TGFA: variants seen among roughly 807,000 people sequenced by gnomAD.
TGFA encodes transforming growth factor alpha, also known as protransforming growth factor alpha.
A neutral mutation model predicts 21.7 loss-of-function variants in TGFA; 12 were observed. The observed-to-expected ratio is 0.55, with a 90% confidence interval of 0.35 to 0.90. TGFA has a LOEUF of 0.90. Among genes scored for constraint, TGFA ranks in the 40% least tolerant of loss-of-function variants. The pLI is 0.01. For synonymous variants in TGFA, 79 were observed against 88.1 expected (o/e 0.90, Z 0.58); for missense variants, 178 against 210.8 (o/e 0.84, Z 0.96).
chr2:70,455,109 C>T (rs958170826), intron 4 of TGFA, among the ~76,000 whole-genome samples: 1 of 152,232 alleles, frequency 6.6e-6, no homozygotes, highest in East Asian at 1.9e-4. Flanking sequence ...CTTCTCCCAG[C>T]AAACATGTTT....
At chr2:70,487,832 TA>T (rs1198935591) in intron 2 of TGFA, among the ~76,000 whole-genome samples, 1 of 152,218 alleles carries the variant, frequency 6.6e-6, no homozygotes, top group Non-Finnish European at 1.5e-5. Flanking sequence ...CATTTATGAT[TA>T]TTTTTCTGAG....
At chr2:70,488,807 G>T (rs1255450092) in intron 2 of TGFA, among the ~76,000 whole-genome samples, 1 of 152,144 alleles carries the variant, frequency 6.6e-6, no homozygotes, top group Non-Finnish European at 1.5e-5. Flanking sequence ...TCACAAATGT[G>T]CTATGCTTCT....
At chr2:70,460,960 GA>G (rs1670389265) in intron 3 of TGFA, among the ~76,000 whole-genome samples, 3 of 152,170 alleles carry the variant, frequency 2.0e-5, no homozygotes, top group Admixed American at 2.0e-4. Context: ...GTGAGACTGA[GA>G]AACTAAATTT....
chr2:70,501,332 A>G (rs529525989), intron 2 of TGFA, among the ~76,000 whole-genome samples: 1 of 150,772 alleles, frequency 6.6e-6, no homozygotes, highest in African/African-American at 2.4e-5. Context: ...CCTTCCTAAC[A>G]CCATTTTGTT....
At chr2:70,548,568 GAAC>G (rs146662027) in intron 1 of TGFA, among the ~76,000 whole-genome samples, 5,803 of 152,206 alleles carry the variant, frequency 0.038, 389 homozygotes, top group African/African-American at 0.13. Context: ...CACAGTAAGG[GAAC>G]AACAACAACA....
At chr2:70,495,813 C>T (rs888182883) in intron 2 of TGFA, among the ~76,000 whole-genome samples, 3 of 152,036 alleles carry the variant, frequency 2.0e-5, no homozygotes, top group Non-Finnish European at 4.4e-5. Flanking sequence ...AACATTCTAC[C>T]GTTTGAATAG....
At chr2:70,528,122 C>T (rs538993218) in intron 1 of TGFA, among the ~76,000 whole-genome samples, 22 of 152,268 alleles carry the variant, frequency 1.4e-4, no homozygotes, top group South Asian at 4.1e-4. Context: ...GGCAGAAGCA[C>T]GCTTATTTCT....
chr2:70,529,144 A>G (rs1277688520), intron 1 of TGFA, among the ~76,000 whole-genome samples: 1 of 152,088 alleles, frequency 6.6e-6, no homozygotes, highest in Admixed American at 6.5e-5. Context: ...GGTGGAGGGG[A>G]GTGTTTTTGG....
chr2:70,458,995 AAGGGTT>A (rs1293842688), intron 3 of TGFA, among the ~76,000 whole-genome samples: 2 of 152,192 alleles, frequency 1.3e-5, no homozygotes, highest in Admixed American at 6.5e-5. Context: ...CTTCTATGCA[AAGGGTT>A]AGGGTTAGGG....
chr2:70,533,008 C>T (rs1553503907), intron 1 of TGFA, among the ~76,000 whole-genome samples: 2 of 151,972 alleles, frequency 1.3e-5, no homozygotes, highest in Admixed American at 6.5e-5. Flanking sequence ...GTGACAGATG[C>T]ACACAACCAC....
At chr2:70,465,172 C>A (rs1553491981) in intron 3 of TGFA, among the ~76,000 whole-genome samples, 1 of 152,206 alleles carries the variant, frequency 6.6e-6, no homozygotes, top group African/African-American at 2.4e-5. Flanking sequence ...CCTTCACCTG[C>A]ACTTCTGGCT....
At chr2:70,513,759 T>C (rs1225865333) in intron 2 of TGFA, among the ~76,000 whole-genome samples, 4 of 152,024 alleles carry the variant, frequency 2.6e-5, no homozygotes, top group African/African-American at 9.7e-5. Flanking sequence ...TATGAATAGG[T>C]AAGAAACCCG....
chr2:70,447,335 A>G lies in TGFA; in HGVS notation c.*3524T>C, dbSNP rs1669912182. The G allele has an allele frequency of 1.3e-5, 2 of 152,614 alleles. No individual in the cohort carries two copies. The highest frequency in any genetic ancestry group is 4.1e-4 in the South Asian group (2 of 4,828). 9.5% of individuals were successfully genotyped at this position (152,614 alleles called of 1,614,324 possible). A position where few individuals can be genotyped will look rare whatever the true frequency, so the allele number is the denominator to read the frequency against. ...ATCCTTCCAAATAAGGTACAGTACA[A>G]CTCAATAACAATGCACATTACTGAA... is the stretch of plus-strand genomic sequence containing the variant. On this transcript the variant is annotated 3_prime_UTR_variant, in exon 6 of 6. Transcript: ENST00000295400.
intron 2 of TGFA, among the ~76,000 whole-genome samples, chr2:70,476,080 C>CAAAAAAAAAAAAAAAAA (rs1175233983): frequency 1.8e-5 from 1 of 55,632 alleles, no homozygotes; most frequent in Admixed American, 3.0e-4. Flanking sequence ...TAATTTTAAG[C>CAAAAAAAAAAAAAAAAA]AAAAAAAAAA....
rs2103640435 is a variant in TGFA at position 70,448,292 on chromosome 2, G to T, written c.*2567C>A. ...TGGGAAAAATCCAGGCTCCATAAGAGTATTGGAGGCCTTTTAAAAAATGTT... is the reference window on the plus strand; with the variant it reads ...TGGGAAAAATCCAGGCTCCATAAGATTATTGGAGGCCTTTTAAAAAATGTT... On this transcript the variant is annotated 3_prime_UTR_variant, in exon 6 of 6. Transcript: ENST00000295400. The T allele has an allele frequency of 6.6e-6, 1 of 152,284 alleles. No individual in the cohort carries two copies. The highest frequency in any genetic ancestry group is 2.4e-5 in the African/African-American group (1 of 41,554). The allele number at this position is 152,284 out of a possible 1,614,324, so 9.4% of individuals were successfully genotyped here. A position where few individuals can be genotyped will look rare whatever the true frequency, so the allele number is the denominator to read the frequency against.
At chr2:70,502,043 C>T (rs1320963069) in intron 2 of TGFA, among the ~76,000 whole-genome samples, 1 of 152,238 alleles carries the variant, frequency 6.6e-6, no homozygotes, top group South Asian at 2.1e-4. Flanking sequence ...CTTTGCCTTC[C>T]TCTTCTGCCC....
rs1228248336 is a variant in TGFA, at chr2:70,516,311, G to GGGTTC, written c.41-1404_41-1400dup. Among the ~76,000 whole-genome samples the GGGTTC allele has an allele frequency of 2.6e-5, 4 of 151,898 alleles. No individual in the cohort carries two copies. The East Asian group carries it at 7.7e-4, about 29-fold the overall frequency. On this transcript the variant is annotated intron_variant, in intron 1 of 5. Coordinates refer to ENST00000295400, the MANE Select transcript of TGFA (RefSeq NM_003236.4). The stretch of plus-strand genomic sequence containing the variant: ...CAGCCCCCTACTCTGCAGGCTGTGA[G>GGGTTC]GGTTCCTTGCCCCTTTTCACTTAGG...
intron 2 of TGFA, among the ~76,000 whole-genome samples, chr2:70,488,064 A>AT (rs1288367634): frequency 3.3e-5 from 5 of 152,108 alleles, no homozygotes; most frequent in South Asian, 2.1e-4. Flanking sequence ...CTTGATGTAG[A>AT]TTTTTTTCAT....
chr2:70,552,771 CATGCTATACGGGTTAAACTCGGGGCAT>C (rs1451635087), intron 1 of TGFA, among the ~76,000 whole-genome samples: 1 of 152,238 alleles, frequency 6.6e-6, no homozygotes, highest in Non-Finnish European at 1.5e-5. Context: ...CAGCGAGCCG[CATGCTATACGGGTTAAACTCGGGGCAT>C]ATCGAACGAA....
Sources: allele counts gnomAD v4.1 joint callset (sites outside exome capture counted in the v4.1 genomes callset), GRCh38; gene constraint gnomAD v4.1.1; transcripts MANE v1.5; gene names NCBI Gene and HGNC (gene_info 2026-07-23, HGNC 2026-07-21).